LARGE1: variants seen among roughly 807,000 people sequenced by gnomAD.
LARGE1 encodes LARGE xylosyl- and glucuronyltransferase 1.
A neutral mutation model predicts 87.6 loss-of-function variants in LARGE1; 43 were observed. That is an observed-to-expected ratio of 0.49 (90% CI 0.38 to 0.63). The LOEUF is 0.63. Ranked by LOEUF, LARGE1 falls within the 30% of genes least tolerant of loss-of-function variation. LARGE1 has a pLI of 0.00. For synonymous variants in LARGE1, 434 were observed against 394.6 expected, an observed-to-expected ratio of 1.10 and a Z score of -1.18; for missense variants, 802 against 1,000.2, an observed-to-expected ratio of 0.80 and a Z score of 2.67.
intron 1 of LARGE1, among the ~76,000 whole-genome samples, chr22:33,878,949 T>C (rs1480611446): frequency 6.6e-6 from 1 of 150,880 alleles, no homozygotes; most frequent in African/African-American, 2.4e-5. Flanking sequence ...TAGTGACATT[T>C]CTAGTCCCAG....
chr22:33,485,642 C>G (rs191224702), intron 6 of LARGE1, among the ~76,000 whole-genome samples: 1 of 152,128 alleles, frequency 6.6e-6, no homozygotes, highest in Non-Finnish European at 1.5e-5. Flanking sequence ...GTCACTTAGA[C>G]GTTGTTTTTT....
intron 11 of LARGE1, among the ~76,000 whole-genome samples, chr22:33,313,020 A>G (rs902521394): frequency 2.0e-5 from 3 of 152,138 alleles, no homozygotes; most frequent in Admixed American, 6.5e-5. Flanking sequence ...GGGTGTCCCT[A>G]TGGAGACACA....
intron 7 of LARGE1, among the ~76,000 whole-genome samples, chr22:33,399,528 G>A (rs899942050): frequency 1.3e-5 from 2 of 152,192 alleles, no homozygotes; most frequent in Non-Finnish European, 2.9e-5. Context: ...GTCAACCACT[G>A]TGGAAGACAG....
intron 10 of LARGE1, among the ~76,000 whole-genome samples, chr22:33,324,852 T>C (rs944830260): frequency 1.3e-5 from 2 of 152,230 alleles, no homozygotes; most frequent in Admixed American, 1.3e-4. Flanking sequence ...TCTGAATTAG[T>C]AAGACAAAGG....
chr22:33,129,312 T>C, the LARGE1 span, among the ~76,000 whole-genome samples: 4 of 152,248 alleles, frequency 2.6e-5, no homozygotes, highest in African/African-American at 9.6e-5. Flanking sequence ...GGTTTTTATC[T>C]TAATTGTAGT....
At chr22:33,693,755 C>T (rs539973434) in intron 2 of LARGE1, among the ~76,000 whole-genome samples, 6 of 151,954 alleles carry the variant, frequency 3.9e-5, no homozygotes, top group Non-Finnish European at 8.8e-5. Context: ...ACCCCGGAGG[C>T]GGAAGTTGCA....
intron 11 of LARGE1, among the ~76,000 whole-genome samples, chr22:33,203,091 CTCTCTCTCTCTGTG>C (rs1244841168): frequency 7.2e-6 from 1 of 139,224 alleles, no homozygotes; most frequent in Non-Finnish European, 1.6e-5. Context: ...CTCTCTCTCT[CTCTCTCTCTCTGTG>C]TGTGTGTGTG....
chr22:33,500,081 A>G (rs2070356135), intron 6 of LARGE1, among the ~76,000 whole-genome samples: 1 of 152,206 alleles, frequency 6.6e-6, no homozygotes, highest in Admixed American at 6.5e-5. Context: ...GGACTAAAAT[A>G]TGTAATTTTA....
intron 11 of LARGE1, among the ~76,000 whole-genome samples, chr22:33,311,804 G>A (rs910348070): frequency 1.3e-5 from 2 of 152,104 alleles, no homozygotes; most frequent in African/African-American, 4.8e-5. Flanking sequence ...ATGTGCTCAG[G>A]GCTTTTATAG....
the LARGE1 span, among the ~76,000 whole-genome samples, chr22:33,130,313 CA>C: frequency 0.025 from 1,401 of 56,864 alleles, 25 homozygotes; most frequent in African/African-American, 0.098. Flanking sequence ...GATTCCGTCT[CA>C]AAAAAAAAAA....
chr22:33,137,920 C>T, the LARGE1 span, among the ~76,000 whole-genome samples: 322 of 152,312 alleles, frequency 2.1e-3, 2 homozygotes, highest in African/African-American at 7.4e-3. Context: ...AGAACCTCTG[C>T]AAGGGTAGTA....
chr22:33,093,822 C>CT, the LARGE1 span, among the ~76,000 whole-genome samples: 241 of 81,532 alleles, frequency 3.0e-3, no homozygotes, highest in Middle Eastern at 8.5e-3. Context: ...TTCTTTCTTT[C>CT]TTTTTTTTTT....
At chr22:33,277,535 T>C (rs1286101246) in intron 13 of LARGE1, among the ~76,000 whole-genome samples, 1 of 152,068 alleles carries the variant, frequency 6.6e-6, no homozygotes, top group African/African-American at 2.4e-5. Flanking sequence ...AGGGGAAAAT[T>C]TAGACACAGA....
At chr22:33,572,207 G>C in intron 5 of LARGE1, 2 of 1,289,896 alleles carry the variant, frequency 1.6e-6, no homozygotes, top group East Asian at 1.1e-4. Context: ...ATTAAAAAAA[G>C]AAGTCATCCC....
chr22:33,690,610 G>A (rs1299935362), intron 2 of LARGE1, among the ~76,000 whole-genome samples: 1 of 151,102 alleles, frequency 6.6e-6, no homozygotes, highest in East Asian at 1.9e-4. Flanking sequence ...AAAGGGAGAA[G>A]GACCTTTCCT....
At position 33,550,142 on chromosome 22, in the gene LARGE1, TACACACACACAC is replaced by T. The variant is rs5845093; in HGVS notation, c.787+14694_787+14705del. Among the ~76,000 whole-genome samples the T allele has an allele frequency of 5.2e-3, 739 of 142,340 alleles. 6 individuals are homozygous for T. The highest frequency in any genetic ancestry group is 0.018 in the African/African-American group (695 of 38,588). The allele number at this position is 142,340 out of a possible 152,430, so 93.4% of individuals were successfully genotyped here. On this transcript the variant is annotated intron_variant, in intron 6 of 14. Transcript: ENST00000397394. ...CACATGTACCCTAGAACTTAAAGTA[TACACACACACAC>T]ACACACACACACACACACACACATA...
intron 6 of LARGE1, among the ~76,000 whole-genome samples, chr22:33,457,869 C>T (rs2147981343): frequency 6.6e-6 from 1 of 152,208 alleles, no homozygotes; most frequent in East Asian, 1.9e-4. Flanking sequence ...GAAGGAGAGG[C>T]TGTGTGTGTA....
intron 10 of LARGE1, among the ~76,000 whole-genome samples, chr22:33,334,432 A>C (rs1171993891): frequency 6.8e-6 from 1 of 147,010 alleles, no homozygotes; most frequent in Non-Finnish European, 1.5e-5. Flanking sequence ...ACAAAAAAAA[A>C]AAACACCAAA....
intron 11 of LARGE1, among the ~76,000 whole-genome samples, chr22:33,217,438 G>T (rs1452845629): frequency 2.0e-5 from 3 of 152,178 alleles, no homozygotes; most frequent in South Asian, 4.1e-4. Flanking sequence ...AACCACTGAA[G>T]TTGAGCTATG....
Sources: allele counts gnomAD v4.1 joint callset (sites outside exome capture counted in the v4.1 genomes callset), GRCh38; gene constraint gnomAD v4.1.1; transcripts MANE v1.5; gene names NCBI Gene and HGNC (gene_info 2026-07-23, HGNC 2026-07-21).